Variants in MYO7A observed in about 807,000 individuals in gnomAD.
MYO7A encodes myosin VIIA.
Under a neutral mutation model 263.8 loss-of-function variants are expected in MYO7A, and 210 were observed. That is an observed-to-expected ratio of 0.80 (90% confidence interval 0.71 to 0.89). MYO7A has a LOEUF of 0.89. Among genes scored for constraint, MYO7A ranks in the 40% least tolerant of loss-of-function variants. The pLI, the probability that MYO7A is intolerant of heterozygous loss-of-function variation, is 0.00. For missense variants in MYO7A, 2,820 were observed against 2,968.3 expected (o/e 0.95, Z 1.16); for synonymous variants, 1,239 against 1,197.3 (o/e 1.03, Z -0.72).
At chr11:77,132,730 G>A (rs190284361) in intron 2 of MYO7A, among the ~76,000 whole-genome samples, 40 of 152,230 alleles carry the variant, frequency 2.6e-4, no homozygotes, top group Admixed American at 7.9e-4. Context: ...CTCGTGATCC[G>A]CCCACCTCGG....
chr11:77,209,384 G>A, intron 44 of MYO7A: 1 of 153,454 alleles, frequency 6.5e-6, no homozygotes, highest in Non-Finnish European at 1.5e-5. Flanking sequence ...GGCTCAGCCT[G>A]CTTACCATTC....
intron 30 of MYO7A, 65 bp downstream of exon 30, chr11:77,190,935 G>A (rs1956021334): frequency 6.8e-7 from 1 of 1,464,368 alleles, no homozygotes; most frequent in Non-Finnish European, 9.2e-7. Flanking sequence ...CGGGCTGCCA[G>A]TGCTGCCACC....
chr11:77,154,151 G>A (rs182777090), intron 4 of MYO7A, among the ~76,000 whole-genome samples: 8 of 152,328 alleles, frequency 5.3e-5, no homozygotes, highest in Non-Finnish European at 8.8e-5. Context: ...TGTATCAGGC[G>A]CCTGGCAAAG....
At chr11:77,202,257 C>T in intron 36 of MYO7A, 43 bp from the exon 37 acceptor site, 1 of 1,542,718 alleles carries the variant, frequency 6.5e-7, no homozygotes, top group Non-Finnish European at 8.8e-7. Context: ...CTGGTGGCCA[C>T]AGGTAGAGAG....
rs551190361 is a variant in MYO7A, at chr11:77,160,169, C to T, written c.1087C>T (p.Pro363Ser). 3.2e-6 allele frequency: 5 copies of T among 1,559,828 alleles called. No homozygotes were observed. In the East Asian group the frequency reaches 1.2e-4, roughly 38 times the overall value. ...GGGGTGTTGCCTGTACCAGGTGAAC[C>T]CCCCAGACCTGATGAGCTGCCTGAC... ...ATAASLLEVN[P>S]PDLMSCLTSR... The change falls in exon 11 of 49, where the codon CCC becomes TCC. Residue 363 changes from proline to serine, a missense_variant. Physicochemically the swap from Pro to Ser is moderately conservative, Grantham distance 74. Transcript: ENST00000409709.
intron 29 of MYO7A, 81 bp downstream of exon 29, chr11:77,190,220 C>A: frequency 7.6e-7 from 1 of 1,313,012 alleles, no homozygotes. Context: ...CCAGTGCACT[C>A]GAGTGCCCCA....
At chr11:77,179,213 C>G (rs2135466111) in intron 20 of MYO7A, 84 bp downstream of exon 20, 1 of 1,238,748 alleles carries the variant, frequency 8.1e-7, no homozygotes, top group East Asian at 2.6e-5. Context: ...GGCCTGCACC[C>G]AGGCAGCACA....
chr11:77,199,372 A>G lies in MYO7A; in HGVS notation c.4569-163A>G, dbSNP rs377210926. Among the ~76,000 whole-genome samples the G allele has an allele frequency of 2.0e-5, 3 of 152,356 alleles. No homozygotes were observed. The East Asian group carries it at 5.8e-4, about 29-fold the overall frequency. ...GAGATTTAAAGGGTGAGTAGGAATTAGACAGGCAAAGGAGAAGTAGGCCGG... is the reference window on the plus strand; with the variant it reads ...GAGATTTAAAGGGTGAGTAGGAATTGGACAGGCAAAGGAGAAGTAGGCCGG... On this transcript the variant is annotated intron_variant, in intron 34 of 48. Transcript: ENST00000409709.
At chr11:77,164,523 G>A (rs1282818837) in intron 14 of MYO7A, among the ~76,000 whole-genome samples, 1 of 152,204 alleles carries the variant, frequency 6.6e-6, no homozygotes, top group Non-Finnish European at 1.5e-5. Flanking sequence ...GAGCCAGGCT[G>A]CAGTGGTAGA....
chr11:77,166,648 T>A (rs1953577648), intron 15 of MYO7A, among the ~76,000 whole-genome samples: 2 of 152,200 alleles, frequency 1.3e-5, no homozygotes, highest in Admixed American at 1.3e-4. Context: ...GATTTTTTCC[T>A]GCTGGGTTGC....
At chr11:77,174,588 T>C (rs1428659793) in intron 16 of MYO7A, among the ~76,000 whole-genome samples, 168 bp from the exon 17 acceptor site, 1 of 152,148 alleles carries the variant, frequency 6.6e-6, no homozygotes, top group Non-Finnish European at 1.5e-5. Flanking sequence ...CACTTTATGC[T>C]CTTTTGTGGA....
intron 3 of MYO7A, 72 bp from the exon 4 acceptor site, chr11:77,147,726 G>A: frequency 2.0e-6 from 3 of 1,529,896 alleles, no homozygotes; most frequent in Non-Finnish European, 2.7e-6. Context: ...GCTCCCGCCC[G>A]TCCCGGCCCC....
Position 77,204,145 on chromosome 11 carries a change from T to C in MYO7A, c.5396T>C (p.Ile1799Thr). Residue 1799 changes from isoleucine (I) to threonine (T), a missense_variant, in exon 39 of 49, where the codon ATC becomes ACC. Coordinates refer to ENST00000409709, the MANE Select transcript of MYO7A (RefSeq NM_000260.4). The part of the protein sequence containing the change: ...TRSVNELTDQ[I>T]FEGPLKAEPL... ...TCCGTCAACGAGCTCACCGACCAGA[T>C]CTTTGAGGGTCCCCTGAAAGCCGAG... 1 of 1,597,446 alleles carries C rather than the reference T, an allele frequency of 6.3e-7. No homozygotes were observed.
intron 3 of MYO7A, among the ~76,000 whole-genome samples, chr11:77,145,253 A>G (rs1423439604): frequency 1.3e-5 from 2 of 152,142 alleles, no homozygotes; most frequent in African/African-American, 4.8e-5. Flanking sequence ...AAGCAGCAGC[A>G]CTCTACAGAC....
In MYO7A at chr11:77,160,657, G is replaced by A. The variant is rs73495727; in HGVS notation, c.1201-316G>A. Among the ~76,000 whole-genome samples, 472 of 152,270 alleles carry A rather than the reference G, an allele frequency of 3.1e-3. 2 individuals are homozygous for A. The highest frequency in any genetic ancestry group is 0.011 in the African/African-American group (447 of 41,544). On this transcript the variant is annotated intron_variant, in intron 11 of 48. Transcript: ENST00000409709. ...CCACACCAGGCCCTGGGCTGGGTTC[G>A]GGGACCTCAGAGATAAACAGGGTTG...
chr11:77,201,731 TG>T, intron 36 of MYO7A, 93 bp downstream of exon 36: 4 of 1,344,872 alleles, frequency 3.0e-6, no homozygotes, highest in Non-Finnish European at 4.1e-6. Flanking sequence ...AACGGTCTAG[TG>T]CATCTGTGAA....
chr11:77,214,049 C>A (rs1422679913), intron 48 of MYO7A, 70 bp downstream of exon 48: 3 of 1,599,642 alleles, frequency 1.9e-6, no homozygotes. Context: ...CTCCCAGGGC[C>A]TGGAACAAAC....
At position 77,198,569 on chromosome 11, in the gene MYO7A, C is replaced by T. The variant is rs997924984; in HGVS notation, c.4516C>T (p.Gln1506Ter). The change falls in exon 34 of 49, where the codon CAG becomes TAG. Residue 1506 changes from glutamine (Q) to a stop codon, truncating the protein, a stop_gained. Transcript: ENST00000409709. LOFTEE classifies it high-confidence loss of function. Reference protein sequence around the residue: ...TGVYFVDEQEQVLLELSFPEI... With the variant: ...TGVYFVDEQE ...TGTGTACTTTGTGGATGAGCAGGAG[C>T]AGGTACTTCTGGAGCTGTCCTTCCC... 2 of 1,613,908 alleles carry T rather than the reference C, an allele frequency of 1.2e-6. No individual in the cohort carries two copies. The highest frequency in any genetic ancestry group is 1.7e-6 in the Non-Finnish European group (2 of 1,179,886).
At chr11:77,188,923 G>A (rs1955827086) in intron 27 of MYO7A, among the ~76,000 whole-genome samples, 1 of 152,178 alleles carries the variant, frequency 6.6e-6, no homozygotes, top group African/African-American at 2.4e-5. Context: ...GGTAGAAGTT[G>A]CACCTGCTGC....
Sources: gnomAD v4.1 joint callset for allele counts (sites outside exome capture counted in the v4.1 genomes callset) on GRCh38, gnomAD v4.1.1 for gene constraint, MANE v1.5 for transcripts, NCBI Gene and HGNC (gene_info 2026-07-23, HGNC 2026-07-21) for gene names.